The following FAT3 variants were observed in gnomAD, a reference collection of about 807,000 sequenced individuals.
FAT3 encodes protocadherin Fat 3.
FAT3 carries 95 observed loss-of-function variants against 310.2 expected under a neutral mutation model. That is an observed-to-expected ratio of 0.31 (90% CI 0.26 to 0.36). FAT3 has a LOEUF of 0.36. Ranked by LOEUF, FAT3 falls within the 10% of genes least tolerant of loss-of-function variation. The probability of loss-of-function intolerance (pLI) is 1.00; values close to 1 mark genes in which losing one functional copy is unlikely to be tolerated. For missense variants in FAT3, 5,408 were observed against 5,715.6 expected (o/e 0.95, Z 1.74); for synonymous variants, 2,314 against 2,192.9 (o/e 1.06, Z -1.54).
chr11:92,507,786 A>G (rs1485182022), intron 2 of FAT3, among the ~76,000 whole-genome samples: 2 of 151,992 alleles, frequency 1.3e-5, no homozygotes, highest in African/African-American at 2.4e-5. Flanking sequence ...CACATCCTAT[A>G]TAACATATGT....
At chr11:92,683,021 T>C (rs996730631) in intron 3 of FAT3, among the ~76,000 whole-genome samples, 4 of 140,306 alleles carry the variant, frequency 2.9e-5, no homozygotes, top group African/African-American at 1.1e-4. Context: ...GAGGTTGCAG[T>C]GAGCTGAGAT....
intron 12 of FAT3, among the ~76,000 whole-genome samples, chr11:92,808,987 T>G (rs1398782419): frequency 6.6e-6 from 1 of 151,992 alleles, no homozygotes; most frequent in Admixed American, 6.6e-5. Flanking sequence ...CCAAATAATA[T>G]CTACTAATTT....
At chr11:92,378,701 AC>A (rs1949415469) in intron 2 of FAT3, among the ~76,000 whole-genome samples, 1 of 152,184 alleles carries the variant, frequency 6.6e-6, no homozygotes, top group African/African-American at 2.4e-5. Context: ...GATTGCTATA[AC>A]AGAATACCAT....
chr11:92,444,236 C>T (rs1565321801), intron 2 of FAT3, among the ~76,000 whole-genome samples: 1 of 152,052 alleles, frequency 6.6e-6, no homozygotes, highest in Non-Finnish European at 1.5e-5. Flanking sequence ...TTTTCCCTTC[C>T]AGAAGTGACA....
chr11:92,554,211 C>T (rs1473756825), intron 3 of FAT3, among the ~76,000 whole-genome samples: 2 of 151,578 alleles, frequency 1.3e-5, no homozygotes, highest in Non-Finnish European at 1.5e-5. Flanking sequence ...GCCTGTAATC[C>T]CAGCACTGTG....
At chr11:92,426,197 T>G (rs1286371816) in intron 2 of FAT3, among the ~76,000 whole-genome samples, 1 of 152,244 alleles carries the variant, frequency 6.6e-6, no homozygotes, top group African/African-American at 2.4e-5. Context: ...GAGAAGTGTC[T>G]GTTAATATCC....
At chr11:92,563,339 G>GCCTT (rs1955302490) in intron 3 of FAT3, among the ~76,000 whole-genome samples, 1 of 152,152 alleles carries the variant, frequency 6.6e-6, no homozygotes, top group African/African-American at 2.4e-5. Context: ...TAACACAGTG[G>GCCTT]CCTTCCAACT....
In FAT3 at chr11:92,883,856, A is replaced by G. The variant is rs1949736495; in HGVS notation, c.12937+463A>G. Among the ~76,000 whole-genome samples, 1 of 152,234 alleles carries G rather than the reference A, an allele frequency of 6.6e-6. No individual in the cohort carries two copies. Among genetic ancestry groups the G allele is most frequent in the South Asian group, 2.1e-4 (1 of 4,834 alleles). ...CTCTGGAAGGCTGGAAGAAGAGAGT[A>G]TTTCCAGTCTTAGAATGAAGACTTG... is the stretch of plus-strand genomic sequence containing the variant. On this transcript the variant is annotated intron_variant, in intron 24 of 27. Transcript: ENST00000525166. The surrounding 1 kb of genome is among the most constrained non-coding windows in gnomAD (Gnocchi z 4.2).
At chr11:92,556,184 C>T (rs1955011379) in intron 3 of FAT3, among the ~76,000 whole-genome samples, 1 of 152,178 alleles carries the variant, frequency 6.6e-6, no homozygotes, top group African/African-American at 2.4e-5. Flanking sequence ...CAAGTAAAGG[C>T]TATTCTCCTG....
At position 92,702,011 on chromosome 11, in the gene FAT3, G is replaced by A. The variant is rs969367955; in HGVS notation, c.3669+4566G>A. ...GGGAAAGCTCAGATGTTAAATTCAG[G>A]TGTGCCTGTGATTGTATTTTGGTAC... On this transcript the variant is annotated intron_variant, in intron 4 of 27. Transcript: ENST00000525166. Among the ~76,000 whole-genome samples the A allele has an allele frequency of 2.8e-4, 42 of 152,176 alleles. 1 individual carries two copies. The highest frequency in any genetic ancestry group is 9.7e-4 in the African/African-American group (40 of 41,440).
intron 4 of FAT3, among the ~76,000 whole-genome samples, chr11:92,743,058 T>G (rs1159857864): frequency 1.3e-5 from 2 of 152,204 alleles, no homozygotes; most frequent in African/African-American, 4.8e-5. Context: ...TTCCTTGAAA[T>G]ATCAGACCTA....
At chr11:92,712,488 T>C (rs1162094708) in intron 4 of FAT3, among the ~76,000 whole-genome samples, 1 of 152,232 alleles carries the variant, frequency 6.6e-6, no homozygotes. Flanking sequence ...TATGAGTCTG[T>C]TGTGAAACCA....
chr11:92,312,639 T>G (rs1259107207), intron 1 of FAT3, among the ~76,000 whole-genome samples: 23 of 152,198 alleles, frequency 1.5e-4, no homozygotes, highest in Admixed American at 1.4e-3. Context: ...CCCAGCAAAT[T>G]GAAAACATTC....
At position 92,354,238 on chromosome 11, in the gene FAT3, A is replaced by G; in HGVS notation, c.2126A>G (p.Glu709Gly). The G allele has an allele frequency of 6.2e-7, 1 of 1,613,768 alleles. No homozygotes were observed. ...AAAGCAAATGGGAAACTGAATCTGG[A>G]AGATGGATTTCTTGACTTTTATTCA... ...KAKANGKLNL[E>G]DGFLDFYSIN... The change falls in exon 2 of 28, where the codon GAA becomes GGA. Residue 709 changes from glutamate to glycine, a missense_variant. Transcript: ENST00000525166.
chr11:92,767,546 C>T (rs1022369463), intron 6 of FAT3, among the ~76,000 whole-genome samples: 1 of 152,120 alleles, frequency 6.6e-6, no homozygotes, highest in Non-Finnish European at 1.5e-5. Flanking sequence ...ACTGGCATGC[C>T]TTTCTGTAAT....
chr11:92,831,585 GT>G, intron 13 of FAT3, 36 bp from the exon 14 acceptor site: 3 of 1,573,506 alleles, frequency 1.9e-6, no homozygotes, highest in Non-Finnish European at 1.7e-6. Flanking sequence ...ATCTGGCCAT[GT>G]TCTTGCCCAC....
chr11:92,593,763 G>A (rs1228029122), intron 3 of FAT3, among the ~76,000 whole-genome samples: 1 of 152,134 alleles, frequency 6.6e-6, no homozygotes, highest in Non-Finnish European at 1.5e-5. Flanking sequence ...TATTTAAAAT[G>A]TATTTGCTAA....
At chr11:92,750,059 G>T (rs1565563687) in intron 4 of FAT3, among the ~76,000 whole-genome samples, 1 of 152,200 alleles carries the variant, frequency 6.6e-6, no homozygotes, top group Non-Finnish European at 1.5e-5. Context: ...GTTCACCTGA[G>T]AGCTGAGAGG....
chr11:92,545,303 C>A (rs181989347), intron 3 of FAT3, among the ~76,000 whole-genome samples: 1 of 152,242 alleles, frequency 6.6e-6, no homozygotes, highest in African/African-American at 2.4e-5. Flanking sequence ...TTCTTTTTAT[C>A]GCTCATCACT....
Sources: allele counts gnomAD v4.1 joint callset (sites outside exome capture counted in the v4.1 genomes callset), GRCh38; gene constraint gnomAD v4.1.1; non-coding constraint Gnocchi (gnomAD v3.1); transcripts MANE v1.5; gene names NCBI Gene and HGNC (gene_info 2026-07-23, HGNC 2026-07-21).